Variants in SKAP1 observed in about 807,000 individuals in gnomAD.
SKAP1 encodes the protein src kinase-associated phosphoprotein 1.
In SKAP1, 44 loss-of-function variants were observed where a neutral mutation model predicts 58.5. The observed-to-expected ratio is 0.75, with a 90% CI of 0.59 to 0.97. The LOEUF (loss-of-function observed/expected upper bound fraction) is 0.97, where lower values mean the gene tolerates loss of function less well. Among genes scored for constraint, SKAP1 ranks in the 50% least tolerant of loss-of-function variants. SKAP1 has a pLI of 0.00. For missense variants in SKAP1, 390 were observed against 435.2 expected (o/e 0.90, Z 0.92); for synonymous variants, 127 against 149.7 (o/e 0.85, Z 1.11).
At chr17:48,169,065 T>A (rs1227927958) in intron 10 of SKAP1, among the ~76,000 whole-genome samples, 1 of 151,852 alleles carries the variant, frequency 6.6e-6, no homozygotes, top group Admixed American at 6.6e-5. Context: ...TTGCTATACT[T>A]TAACAACACT....
chr17:48,134,759 A>G (rs1429198737), intron 12 of SKAP1, among the ~76,000 whole-genome samples: 1 of 151,896 alleles, frequency 6.6e-6, no homozygotes. Context: ...GCTAGAGTAC[A>G]ATGGCGCGAT....
At chr17:48,297,074 G>C (rs16954937) in intron 4 of SKAP1, among the ~76,000 whole-genome samples, 2,217 of 152,050 alleles carry the variant, frequency 0.015, 39 homozygotes, top group African/African-American at 0.047. Flanking sequence ...CACTCCTTTT[G>C]GTAGGCCTTA....
intron 2 of SKAP1, among the ~76,000 whole-genome samples, chr17:48,380,711 A>G (rs1688790946): frequency 6.6e-6 from 1 of 152,228 alleles, no homozygotes; most frequent in Non-Finnish European, 1.5e-5. Flanking sequence ...CTAGACAGGC[A>G]GCTCTCAATT....
intron 4 of SKAP1, among the ~76,000 whole-genome samples, chr17:48,292,324 T>C (rs1275077562): frequency 6.6e-6 from 1 of 152,122 alleles, no homozygotes; most frequent in Non-Finnish European, 1.5e-5. Context: ...ACTATTCTGA[T>C]GTGCTAACAT....
At chr17:48,319,730 T>A (rs985281891) in intron 4 of SKAP1, among the ~76,000 whole-genome samples, 7 of 152,214 alleles carry the variant, frequency 4.6e-5, no homozygotes, top group African/African-American at 1.7e-4. Context: ...TAGTCCCTGC[T>A]ACAGAAGAGG....
chr17:48,342,469 T>C (rs2066666013), intron 4 of SKAP1, among the ~76,000 whole-genome samples: 1 of 126,646 alleles, frequency 7.9e-6, no homozygotes, highest in Non-Finnish European at 1.6e-5. Flanking sequence ...CTAAACACAA[T>C]ATGCAGCATG....
At chr17:48,435,905 GA>G in the SKAP1 span, among the ~76,000 whole-genome samples, 1 of 152,216 alleles carries the variant, frequency 6.6e-6, no homozygotes, top group Non-Finnish European at 1.5e-5. Context: ...AATACAGACA[GA>G]AACACTAGAG....
intron 11 of SKAP1, among the ~76,000 whole-genome samples, chr17:48,146,200 A>G (rs983317725): frequency 6.6e-6 from 1 of 152,048 alleles, no homozygotes; most frequent in Non-Finnish European, 1.5e-5. Flanking sequence ...TAAAAAATAC[A>G]ATGAAGGAGA....
At chr17:48,364,396 G>C (rs1598616118) in intron 2 of SKAP1, among the ~76,000 whole-genome samples, 1 of 152,184 alleles carries the variant, frequency 6.6e-6, no homozygotes. Flanking sequence ...TGAAACATGG[G>C]CCGGGTGTGG....
intron 4 of SKAP1, among the ~76,000 whole-genome samples, chr17:48,253,853 TA>T (rs1435345099): frequency 6.6e-6 from 1 of 152,084 alleles, no homozygotes; most frequent in African/African-American, 2.4e-5. Flanking sequence ...GGTCACACAG[TA>T]AAAAATAATA....
At chr17:48,299,783 C>T (rs1377642699) in intron 4 of SKAP1, among the ~76,000 whole-genome samples, 2 of 152,008 alleles carry the variant, frequency 1.3e-5, no homozygotes, top group Non-Finnish European at 2.9e-5. Context: ...TTGAGTCCAA[C>T]CTGGGGCAAC....
chr17:48,202,319 C>T (rs1393448980), intron 4 of SKAP1, among the ~76,000 whole-genome samples: 1 of 152,242 alleles, frequency 6.6e-6, no homozygotes, highest in South Asian at 2.1e-4. Flanking sequence ...AACTCTTACA[C>T]CCCATCAGGA....
chr17:48,330,267 A>G (rs2066488488), intron 4 of SKAP1, among the ~76,000 whole-genome samples: 1 of 152,116 alleles, frequency 6.6e-6, no homozygotes, highest in Admixed American at 6.5e-5. Context: ...TTTATATGAG[A>G]GGGGAAAAAA....
Position 48,406,716 on chromosome 17 carries a change from C to G in SKAP1, c.47-9931G>C, listed in dbSNP as rs536780917. Among the ~76,000 whole-genome samples the G allele has an allele frequency of 2.6e-5, 4 of 152,186 alleles. No individual in the cohort carries two copies. The East Asian group carries it at 7.7e-4, about 29-fold the overall frequency. The stretch of plus-strand genomic sequence containing the variant: ...AAGTAGCTGGGATTAAAGGTGCCCA[C>G]GACCATGCCTAGCTAATTTTTGCAT... On this transcript the variant is annotated intron_variant, in intron 1 of 12. Transcript: ENST00000336915.
At chr17:48,407,750 A>G (rs1357909449) in intron 1 of SKAP1, among the ~76,000 whole-genome samples, 2 of 151,946 alleles carry the variant, frequency 1.3e-5, no homozygotes, top group Admixed American at 6.6e-5. Context: ...GCTACTTTGA[A>G]GGCTGAGGCA....
chr17:48,270,098 C>A (rs554595777), intron 4 of SKAP1, among the ~76,000 whole-genome samples: 1 of 151,884 alleles, frequency 6.6e-6, no homozygotes, highest in Non-Finnish European at 1.5e-5. Flanking sequence ...GCAACAAGAG[C>A]GAAACTCTGT....
the SKAP1 span, among the ~76,000 whole-genome samples, chr17:48,441,501 G>A: frequency 6.6e-6 from 1 of 152,158 alleles, no homozygotes; most frequent in Non-Finnish European, 1.5e-5. Context: ...ATGGTGATTT[G>A]GTTGAATCTA....
chr17:48,142,794 A>G (rs1434838953), intron 11 of SKAP1, among the ~76,000 whole-genome samples: 2 of 151,906 alleles, frequency 1.3e-5, no homozygotes, highest in Non-Finnish European at 2.9e-5. Context: ...CTCTTCCTAC[A>G]CCACACCTTC....
intron 11 of SKAP1, among the ~76,000 whole-genome samples, chr17:48,150,798 A>T (rs1351669888): frequency 6.6e-6 from 1 of 152,244 alleles, no homozygotes; most frequent in Non-Finnish European, 1.5e-5. Flanking sequence ...AGGTGGAAAA[A>T]GGTGCAAGGA....
Sources: gnomAD v4.1 joint callset for allele counts (sites outside exome capture counted in the v4.1 genomes callset) on GRCh38, gnomAD v4.1.1 for gene constraint, MANE v1.5 for transcripts, NCBI Gene and HGNC (gene_info 2026-07-23, HGNC 2026-07-21) for gene names.